LYSMD2: variants seen among roughly 807,000 people sequenced by gnomAD.
The protein encoded by LYSMD2 is lysM and putative peptidoglycan-binding domain-containing protein 2.
Under a neutral mutation model 17.7 loss-of-function variants are expected in LYSMD2, and 6 were observed. The observed-to-expected ratio is 0.34, with a 90% confidence interval of 0.19 to 0.67. The LOEUF (loss-of-function observed/expected upper bound fraction) is 0.67, where lower values mean the gene tolerates loss of function less well. Among genes scored for constraint, LYSMD2 ranks in the 30% least tolerant of loss-of-function variants. LYSMD2 has a pLI of 0.69. For synonymous variants in LYSMD2, 102 were observed against 129.8 expected (o/e 0.79, Z 1.45); for missense variants, 237 against 286.7 (o/e 0.83, Z 1.25).
At chr15:51,748,481 C>A (rs2055680291) in intron 1 of LYSMD2, among the ~76,000 whole-genome samples, 1 of 152,114 alleles carries the variant, frequency 6.6e-6, no homozygotes. Context: ...TTCAGTCCAT[C>A]CAAAGAATGT....
Position 51,737,579 on chromosome 15 carries a change from G to A in LYSMD2, c.44C>T (p.Pro15Leu). Residue 15 changes from proline (P) to leucine (L), a missense_variant, in exon 1 of 3, where the codon CCC becomes CTC. By Grantham distance (98) the Pro-to-Leu change is moderately conservative (BLOSUM62 -3). Coordinates refer to ENST00000267838, the MANE Select transcript of LYSMD2 (RefSeq NM_153374.3). This position sits in a 1 kb window ranked among gnomAD's most constrained non-coding sequence, Gnocchi z 4.2. ...SPALSLREGG[P>L]RAPRPSAPSP... is the part of the protein sequence containing the mutation. ...GGGGGCCGAGGGCCGCGGCGCGCGGGGGCCGCCTTCCCGCAGGGACAGTGC... is the reference window on the plus strand; with the variant it reads ...GGGGGCCGAGGGCCGCGGCGCGCGGAGGCCGCCTTCCCGCAGGGACAGTGC... The A allele has an allele frequency of 8.2e-7, 1 of 1,218,442 alleles. No homozygotes were observed. Among genetic ancestry groups the A allele is most frequent in the Non-Finnish European group, 1.0e-6 (1 of 981,244 alleles). The allele number at this position is 1,218,442 out of a possible 1,614,324, so 75.5% of individuals were successfully genotyped here.
upstream of LYSMD2, among the ~76,000 whole-genome samples, chr15:51,738,667 T>C (rs1285696693): frequency 6.6e-6 from 1 of 152,150 alleles, no homozygotes; most frequent in Non-Finnish European, 1.5e-5. Context: ...AAGAGGTACC[T>C]TGTAGGAAGG....
At chr15:51,741,035 G>C (rs2055640166), upstream of LYSMD2, among the ~76,000 whole-genome samples, 1 of 152,106 alleles carries the variant, frequency 6.6e-6, no homozygotes, top group South Asian at 2.1e-4. Context: ...GGATATGACA[G>C]AGTTATGCTG....
At chr15:51,748,877 A>G (rs142645317) in intron 1 of LYSMD2, among the ~76,000 whole-genome samples, 1 of 152,372 alleles carries the variant, frequency 6.6e-6, no homozygotes, top group East Asian at 1.9e-4. Flanking sequence ...TTTAATAGAC[A>G]ACCAACAGTG....
In LYSMD2 at chr15:51,725,117, T is replaced by G. The variant is rs146437298; in HGVS notation, c.278A>C (p.Glu93Ala). The G allele has an allele frequency of 2.3e-5, 37 of 1,575,534 alleles. No individual in the cohort carries two copies. The highest frequency in any genetic ancestry group is 2.9e-5 in the Non-Finnish European group (34 of 1,155,270). Reference protein sequence around the residue: ...GIALKYGVTMEQIKRANKLFT... With the variant: ...GIALKYGVTMAQIKRANKLFT... ...CAGTTTATTGGCCCTTTTAATCTGTTCCATCTAAAATATAAAAAAGGAGAC... is the reference window on the plus strand; with the variant it reads ...CAGTTTATTGGCCCTTTTAATCTGTGCCATCTAAAATATAAAAAAGGAGAC... Residue 93 changes from glutamate to alanine, a missense_variant, in exon 2 of 3, where the codon GAA becomes GCA. Transcript: ENST00000267838.
At chr15:51,741,116 AC>A (rs1476327417), upstream of LYSMD2, among the ~76,000 whole-genome samples, 1 of 152,242 alleles carries the variant, frequency 6.6e-6, no homozygotes, top group Non-Finnish European at 1.5e-5. Flanking sequence ...AAGGAGGCTT[AC>A]CCTTATAGCC....
At chr15:51,732,871 T>C (rs961111913) in intron 1 of LYSMD2, among the ~76,000 whole-genome samples, 1 of 151,750 alleles carries the variant, frequency 6.6e-6, no homozygotes, top group African/African-American at 2.4e-5. Context: ...AAAGCCACCA[T>C]CTTATCTGGT....
At chr15:51,728,396 A>AACACACACAC (rs61106396) in intron 1 of LYSMD2, among the ~76,000 whole-genome samples, 5 of 144,830 alleles carry the variant, frequency 3.5e-5, no homozygotes, top group Non-Finnish European at 4.5e-5. Flanking sequence ...TCCAGGAGAA[A>AACACACACAC]ACACACACAC....
intron 1 of LYSMD2, among the ~76,000 whole-genome samples, chr15:51,728,832 T>C (rs901911617): frequency 2.6e-5 from 4 of 151,864 alleles, no homozygotes; most frequent in Non-Finnish European, 5.9e-5. Flanking sequence ...ATTGTGCCAT[T>C]GTACTCCACC....
intron 1 of LYSMD2, among the ~76,000 whole-genome samples, chr15:51,728,404 C>CAT (rs899294098): frequency 6.8e-6 from 1 of 146,690 alleles, no homozygotes; most frequent in Non-Finnish European, 1.5e-5. Context: ...AAAACACACA[C>CAT]ACACACACAC....
intron 1 of LYSMD2, among the ~76,000 whole-genome samples, chr15:51,726,588 T>C (rs2055541736): frequency 6.6e-6 from 1 of 152,216 alleles, no homozygotes; most frequent in South Asian, 2.1e-4. Flanking sequence ...GAGAGTTCTC[T>C]ACTGCTTTCT....
upstream of LYSMD2, among the ~76,000 whole-genome samples, chr15:51,741,533 T>C (rs1388525376): frequency 1.3e-5 from 2 of 152,252 alleles, no homozygotes; most frequent in African/African-American, 2.4e-5. Context: ...TCTGCATATT[T>C]ATATTACATT....
In LYSMD2 at chr15:51,737,262, T is replaced by TC; in HGVS notation, c.273+87dup. On this transcript the variant is annotated intron_variant, in intron 1 of 2. Coordinates refer to ENST00000267838, the MANE Select transcript of LYSMD2 (RefSeq NM_153374.3). This position sits in a 1 kb window ranked among gnomAD's most constrained non-coding sequence, Gnocchi z 4.2. ...CCATCCCCCAAACCCCCACCCGCAG[T>TC]CCCACCCCCACCCCCACCGCACCCC... is the stretch of plus-strand genomic sequence containing the variant. 1 of 134,040 alleles carries TC rather than the reference T, an allele frequency of 7.5e-6. No homozygotes were observed. 8.3% of individuals were successfully genotyped at this position (134,040 alleles called of 1,614,324 possible).
intron 1 of LYSMD2, among the ~76,000 whole-genome samples, chr15:51,727,519 T>C (rs1246341536): frequency 6.6e-6 from 1 of 152,224 alleles, no homozygotes; most frequent in African/African-American, 2.4e-5. Context: ...TGTCCCTTTA[T>C]TAAACTCTCT....
chr15:51,746,617 T>C (rs779310912), intron 1 of LYSMD2, among the ~76,000 whole-genome samples: 8 of 152,140 alleles, frequency 5.3e-5, no homozygotes, highest in Non-Finnish European at 1.2e-4. Context: ...ATGTGAAATA[T>C]GTCTTAACAA....
intron 2 of LYSMD2, 137 bp from the exon 3 acceptor site, chr15:51,723,786 G>T: frequency 1.8e-6 from 1 of 542,784 alleles, no homozygotes; most frequent in Non-Finnish European, 3.2e-6. Flanking sequence ...CTAGACAACT[G>T]TATGAAATGC....
intron 1 of LYSMD2, among the ~76,000 whole-genome samples, chr15:51,743,804 G>C (rs574347729): frequency 2.3e-4 from 35 of 152,182 alleles, no homozygotes; most frequent in African/African-American, 8.4e-4. Flanking sequence ...CATCAGTTTT[G>C]TTGTTTTCTT....
Position 51,737,321 on chromosome 15 carries a change from C to T in LYSMD2, c.273+29G>A, listed in dbSNP as rs556710635. 1 of 1,318,818 alleles carries T rather than the reference C, an allele frequency of 7.6e-7. No individual in the cohort carries two copies. Among genetic ancestry groups the T allele is most frequent in the South Asian group, 2.0e-5 (1 of 49,290 alleles). 81.7% of individuals were successfully genotyped at this position (1,318,818 alleles called of 1,614,324 possible). On this transcript the variant is annotated intron_variant, in intron 1 of 2. Transcript: ENST00000267838. This position sits in a 1 kb window ranked among gnomAD's most constrained non-coding sequence, Gnocchi z 4.2. ...CCGCCTCCTGCGCGGTAGCTGCCAG[C>T]CCGGGCCGCGGCGGCGCGCCCTGCT...
upstream of LYSMD2, among the ~76,000 whole-genome samples, chr15:51,739,746 T>C (rs1375393311): frequency 1.3e-5 from 2 of 152,016 alleles, no homozygotes; most frequent in Admixed American, 1.3e-4. Flanking sequence ...CTGGGCAACA[T>C]AGTGAGACCC....
Sources: allele counts gnomAD v4.1 joint callset (sites outside exome capture counted in the v4.1 genomes callset), GRCh38; gene constraint gnomAD v4.1.1; non-coding constraint Gnocchi (gnomAD v3.1); transcripts MANE v1.5; gene names NCBI Gene and HGNC (gene_info 2026-07-23, HGNC 2026-07-21).